MALRD1: variants seen among roughly 807,000 people sequenced by gnomAD.
MALRD1 encodes the protein MAM and LDL receptor class A domain containing 1.
In MALRD1, 247 loss-of-function variants were observed where a neutral mutation model predicts 242.1. The observed-to-expected ratio is 1.02, with a 90% CI of 0.92 to 1.13. The LOEUF (loss-of-function observed/expected upper bound fraction) is 1.13, where lower values mean the gene tolerates loss of function less well. Among genes scored for constraint, MALRD1 ranks in the 50% most tolerant of loss-of-function variants. The pLI, the probability that MALRD1 is intolerant of heterozygous loss-of-function variation, is 0.00. For missense variants in MALRD1, 2,989 were observed against 2,533.1 expected, an observed-to-expected ratio of 1.18 and a Z score of -3.86; for synonymous variants, 995 against 866.6, an observed-to-expected ratio of 1.15 and a Z score of -2.60.
At chr10:19,276,096 T>G (rs910630236) in intron 19 of MALRD1, among the ~76,000 whole-genome samples, 1 of 152,218 alleles carries the variant, frequency 6.6e-6, no homozygotes, top group Non-Finnish European at 1.5e-5. Context: ...AATCTTTGTC[T>G]TAAACTAAAA....
chr10:19,417,409 T>C (rs1833551952), intron 28 of MALRD1, among the ~76,000 whole-genome samples: 1 of 152,222 alleles, frequency 6.6e-6, no homozygotes. Flanking sequence ...TGTAAATACT[T>C]AAGAGTTTTT....
At chr10:19,347,725 G>T (rs1191737324) in intron 24 of MALRD1, 46 bp from the exon 25 acceptor site, 2 of 1,542,186 alleles carry the variant, frequency 1.3e-6, no homozygotes, top group Non-Finnish European at 1.8e-6. Flanking sequence ...TTTTAAAGTA[G>T]GCAAATTTCC....
chr10:19,628,308 G>A (rs117919771), intron 36 of MALRD1, among the ~76,000 whole-genome samples: 69 of 152,144 alleles, frequency 4.5e-4, no homozygotes, highest in Non-Finnish European at 8.5e-4. Context: ...CCCAATCCTA[G>A]GAATGTAGCC....
At chr10:19,053,878 T>G (rs1437653798) in intron 1 of MALRD1, among the ~76,000 whole-genome samples, 1 of 152,112 alleles carries the variant, frequency 6.6e-6, no homozygotes, top group African/African-American at 2.4e-5. Flanking sequence ...TGTAAACCTT[T>G]TATTTTTACT....
chr10:19,221,401 C>A (rs759053446), intron 18 of MALRD1, among the ~76,000 whole-genome samples: 8 of 152,062 alleles, frequency 5.3e-5, no homozygotes, highest in African/African-American at 1.9e-4. Context: ...TTGGAAGGAG[C>A]CTGTTGGTAT....
intron 18 of MALRD1, among the ~76,000 whole-genome samples, chr10:19,217,492 T>C (rs1837369602): frequency 6.6e-6 from 1 of 152,008 alleles, no homozygotes; most frequent in Non-Finnish European, 1.5e-5. Flanking sequence ...TAGCTGCTCA[T>C]TCCTTTGTGC....
intron 14 of MALRD1, among the ~76,000 whole-genome samples, chr10:19,189,539 C>T (rs143991322): frequency 3.3e-5 from 5 of 152,144 alleles, no homozygotes; most frequent in South Asian, 4.1e-4. Context: ...GCTTTATGAT[C>T]GTTTATGCAA....
chr10:19,142,721 T>C (rs1833595051), intron 10 of MALRD1, among the ~76,000 whole-genome samples: 1 of 152,216 alleles, frequency 6.6e-6, no homozygotes, highest in Non-Finnish European at 1.5e-5. Context: ...ATAACATGAA[T>C]AGATTTTTTT....
At position 19,265,688 on chromosome 10, in the gene MALRD1, T is replaced by TCTG. The variant is rs530206861; in HGVS notation, c.3079+7924_3079+7926dup. 4.5e-4 allele frequency among the ~76,000 whole-genome samples: 68 copies of TCTG among 152,242 alleles called. 1 individual carries two copies. In the South Asian group the frequency reaches 0.011, roughly 25 times the overall value. On this transcript the variant is annotated intron_variant, in intron 19 of 39. Transcript: ENST00000454679. ...TCTGTGTGCTCTTGAGAAGGTGTAT[T>TCTG]CTGCTGCTGTTGAATGAAATGTTTT...
At chr10:19,250,313 G>T (rs1429215685) in intron 18 of MALRD1, among the ~76,000 whole-genome samples, 2 of 151,750 alleles carry the variant, frequency 1.3e-5, no homozygotes, top group African/African-American at 2.4e-5. Flanking sequence ...ATATCAACCA[G>T]ACTTTTTTCA....
chr10:19,102,036 A>T (rs951775807), intron 4 of MALRD1, among the ~76,000 whole-genome samples: 2 of 134,888 alleles, frequency 1.5e-5, no homozygotes, highest in South Asian at 4.5e-4. Context: ...TATAAACTAT[A>T]TTTAATTATA....
chr10:19,352,334 C>A, intron 26 of MALRD1, 37 bp downstream of exon 26: 1 of 1,514,942 alleles, frequency 6.6e-7, no homozygotes. Context: ...GGTATTTTTG[C>A]ATGGTGAAAG....
chr10:19,530,274 C>T (rs1481173913), intron 31 of MALRD1, among the ~76,000 whole-genome samples: 3 of 137,950 alleles, frequency 2.2e-5, no homozygotes, highest in East Asian at 4.1e-4. Context: ...ATTGTGTATT[C>T]ATTTTTGTCA....
chr10:19,200,430 T>A (rs1432212084), intron 14 of MALRD1, among the ~76,000 whole-genome samples: 1 of 152,172 alleles, frequency 6.6e-6, no homozygotes, highest in Admixed American at 6.5e-5. Flanking sequence ...CATGATGCGT[T>A]AGGAGGTATT....
At chr10:19,589,361 G>A (rs1173581643) in intron 33 of MALRD1, among the ~76,000 whole-genome samples, 1 of 152,128 alleles carries the variant, frequency 6.6e-6, no homozygotes, top group Admixed American at 6.6e-5. Flanking sequence ...AGCATATTTG[G>A]TGGCATGCAA....
At chr10:19,068,609 A>G (rs1013514123) in intron 2 of MALRD1, among the ~76,000 whole-genome samples, 3 of 152,138 alleles carry the variant, frequency 2.0e-5, no homozygotes, top group African/African-American at 4.8e-5. Context: ...ATAGTCATGC[A>G]TCTCTTACAA....
chr10:19,494,707 A>T (rs1190301707), intron 30 of MALRD1, among the ~76,000 whole-genome samples: 1 of 152,174 alleles, frequency 6.6e-6, no homozygotes, highest in Non-Finnish European at 1.5e-5. Flanking sequence ...TTACTGAAAA[A>T]ACATAGACAA....
chr10:19,156,993 G>A (rs1834176064), intron 12 of MALRD1, among the ~76,000 whole-genome samples: 1 of 152,118 alleles, frequency 6.6e-6, no homozygotes, highest in South Asian at 2.1e-4. Context: ...CTTGGTTTTT[G>A]AAAAACTGAG....
chr10:19,123,616 C>A, intron 6 of MALRD1, 23 bp downstream of exon 6: 1 of 1,195,486 alleles, frequency 8.4e-7, no homozygotes, highest in East Asian at 3.2e-5. Context: ...TTGAGATATT[C>A]ACTTTTCTGG....
Sources: allele counts gnomAD v4.1 joint callset (sites outside exome capture counted in the v4.1 genomes callset), GRCh38; gene constraint gnomAD v4.1.1; transcripts MANE v1.5; gene names NCBI Gene and HGNC (gene_info 2026-07-23, HGNC 2026-07-21).